Variants in DGKH observed in about 807,000 individuals in gnomAD.
DGKH encodes the protein diacylglycerol kinase eta, also known as DAG kinase eta.
Under a neutral mutation model 159.3 loss-of-function variants are expected in DGKH, and 90 were observed. The ratio of observed to expected loss-of-function variants is 0.57; its 90% confidence interval spans 0.48 to 0.67. The LOEUF is 0.67. Among genes scored for constraint, DGKH ranks in the 30% least tolerant of loss-of-function variants. The pLI, the probability that DGKH is intolerant of heterozygous loss-of-function variation, is 0.00. For synonymous variants in DGKH, 536 were observed against 553.8 expected, an observed-to-expected ratio of 0.97 and a Z score of 0.45; for missense variants, 1,181 against 1,506.1, an observed-to-expected ratio of 0.78 and a Z score of 3.57.
In DGKH at chr13:42,107,303, T is replaced by C. The variant is rs188072829; in HGVS notation, c.193-20160T>C. ...GAACCCAAGGTGGGAGGAAGATGAG[T>C]GTTTTGTTTGGCCAATGGCAGGTAG... On this transcript the variant is annotated intron_variant, in intron 1 of 29. Transcript: ENST00000337343. Among the ~76,000 whole-genome samples, 4 of 152,028 alleles carry C rather than the reference T, an allele frequency of 2.6e-5. No homozygotes were observed. In the East Asian group the frequency reaches 7.8e-4, roughly 30 times the overall value.
intron 17 of DGKH, among the ~76,000 whole-genome samples, chr13:42,195,560 T>C (rs909209939): frequency 6.6e-6 from 1 of 152,326 alleles, no homozygotes; most frequent in Middle Eastern, 3.4e-3. Context: ...TATGAGTCGG[T>C]AGTTCTGGAG....
At chr13:42,141,051 C>T (rs894268329) in intron 3 of DGKH, among the ~76,000 whole-genome samples, 1 of 7,996 alleles carries the variant, frequency 1.3e-4, no homozygotes, top group Non-Finnish European at 4.5e-4. Flanking sequence ...TCCCTCCCCC[C>T]TCCCACCAAC....
chr13:42,046,033 A>T (rs530223803), upstream of DGKH, among the ~76,000 whole-genome samples: 1 of 152,244 alleles, frequency 6.6e-6, no homozygotes, highest in Non-Finnish European at 1.5e-5. Context: ...AGGGGTAGCT[A>T]CCACCTATTT....
intron 24 of DGKH, among the ~76,000 whole-genome samples, chr13:42,212,026 C>T (rs1957670063): frequency 6.6e-6 from 1 of 152,164 alleles, no homozygotes; most frequent in Non-Finnish European, 1.5e-5. Flanking sequence ...CACATCATGT[C>T]TGGCATATTG....
chr13:42,197,750 A>G (rs998463655), intron 17 of DGKH, among the ~76,000 whole-genome samples: 2 of 152,078 alleles, frequency 1.3e-5, no homozygotes, highest in African/African-American at 4.8e-5. Context: ...TGTTTTTCTA[A>G]TTTCCTCGTG....
chr13:42,114,117 G>A (rs1007054839), intron 1 of DGKH, among the ~76,000 whole-genome samples: 1 of 152,148 alleles, frequency 6.6e-6, no homozygotes, highest in Non-Finnish European at 1.5e-5. Context: ...AAGATAGATA[G>A]CTTCCCCTAA....
upstream of DGKH, chr13:42,048,636 C>A: frequency 9.0e-7 from 1 of 1,106,924 alleles, no homozygotes; most frequent in Non-Finnish European, 1.1e-6. The surrounding 1 kb of genome is among the most constrained non-coding windows in gnomAD (Gnocchi z 6.7). Context: ...CCTTACCTCG[C>A]GGGGGTAGCT....
intron 8 of DGKH, among the ~76,000 whole-genome samples, 191 bp downstream of exon 8, chr13:42,165,624 G>A (rs1469949812): frequency 6.6e-6 from 1 of 152,066 alleles, no homozygotes; most frequent in Admixed American, 6.6e-5. Context: ...TTGTAGAATA[G>A]CTGTTAACAT....
rs138922163 is a variant in DGKH at position 42,252,939 on chromosome 13, G to C, written n.4127+458G>C. 1.6e-4 allele frequency among the ~76,000 whole-genome samples: 24 copies of C among 152,048 alleles called. No individual in the cohort carries two copies. In the East Asian group the frequency reaches 4.3e-3, roughly 27 times the overall value. ...ATTTTTGTATTTTTAGTAGAGACAG[G>C]GTATCACTATGTTGGCCAGGTTGGT... is the stretch of plus-strand genomic sequence containing the variant. On this transcript the variant is annotated intron_variant and non_coding_transcript_variant, in intron 30 of 30. Coordinates refer to the DGKH transcript ENST00000498255.
intron 8 of DGKH, 81 bp downstream of exon 8, chr13:42,165,514 T>A: frequency 1.4e-6 from 1 of 737,876 alleles, no homozygotes. Context: ...GAATAATAAC[T>A]ATGATGGTAA....
intron 1 of DGKH, among the ~76,000 whole-genome samples, chr13:42,053,436 CTATATATAACTA>C (rs148174776): frequency 0.15 from 21,653 of 145,108 alleles, 1,769 homozygotes; most frequent in African/African-American, 0.17. Context: ...CTATATGTAG[CTATATATAACTA>C]TATATATAAC....
chr13:42,073,274 T>G (rs1883093799), intron 1 of DGKH, among the ~76,000 whole-genome samples: 1 of 152,226 alleles, frequency 6.6e-6, no homozygotes, highest in Non-Finnish European at 1.5e-5. Flanking sequence ...TTGCCATTTA[T>G]TAAAATAGTG....
At chr13:42,110,171 C>T (rs1954835190) in intron 1 of DGKH, among the ~76,000 whole-genome samples, 2 of 152,078 alleles carry the variant, frequency 1.3e-5, no homozygotes, top group African/African-American at 2.4e-5. Context: ...TCTGAGATAA[C>T]TGTATGTGGT....
At position 42,155,654 on chromosome 13, in the gene DGKH, A is replaced by G. The variant is rs1210379204; in HGVS notation, c.490-13A>G. 3.1e-6 allele frequency: 5 copies of G among 1,613,844 alleles called. No homozygotes were observed. In the Admixed American group the frequency reaches 6.7e-5, roughly 22 times the overall value. Reference sequence around the variant, plus strand: ...ACTGGCTTGGCAAATCTGTCCTCACATCTCATTTCTAGGTGGCCCAGTTTA... The same window carrying G: ...ACTGGCTTGGCAAATCTGTCCTCACGTCTCATTTCTAGGTGGCCCAGTTTA... On this transcript the variant is annotated splice_polypyrimidine_tract_variant and intron_variant, in intron 4 of 29. Coordinates refer to ENST00000337343, the MANE Select transcript of DGKH (RefSeq NM_178009.5).
intron 16 of DGKH, among the ~76,000 whole-genome samples, 175 bp downstream of exon 16, chr13:42,190,700 C>A (rs1253637035): frequency 1.3e-5 from 2 of 152,088 alleles, no homozygotes; most frequent in Non-Finnish European, 2.9e-5. Context: ...AAAGATAACA[C>A]CTAGACTATT....
chr13:42,053,999 G>A (rs1881565666), intron 1 of DGKH, among the ~76,000 whole-genome samples: 1 of 152,152 alleles, frequency 6.6e-6, no homozygotes, highest in Admixed American at 6.5e-5. Flanking sequence ...TAATATGAAG[G>A]ATGTATAAGT....
intron 20 of DGKH, among the ~76,000 whole-genome samples, chr13:42,201,141 C>T (rs1040953142): frequency 4.6e-5 from 7 of 151,928 alleles, no homozygotes; most frequent in East Asian, 1.9e-4. Context: ...TACAGGTGCA[C>T]GCCACCACGC....
intron 1 of DGKH, among the ~76,000 whole-genome samples, chr13:42,068,518 G>T (rs1812371601): frequency 6.6e-6 from 1 of 152,158 alleles, no homozygotes; most frequent in Non-Finnish European, 1.5e-5. Context: ...TTTACGAAAT[G>T]TGTACAGTAT....
intron 24 of DGKH, among the ~76,000 whole-genome samples, chr13:42,212,163 C>G (rs545292154): frequency 6.6e-6 from 1 of 152,288 alleles, no homozygotes; most frequent in South Asian, 2.1e-4. Context: ...ATCTTTCCTC[C>G]TCTCTACTAT....
Sources: gnomAD v4.1 joint callset for allele counts (sites outside exome capture counted in the v4.1 genomes callset) on GRCh38, gnomAD v4.1.1 for gene constraint, Gnocchi (gnomAD v3.1) non-coding constraint, MANE v1.5 for transcripts, NCBI Gene and HGNC (gene_info 2026-07-23, HGNC 2026-07-21) for gene names.